ABTB3: variants seen among roughly 807,000 people sequenced by gnomAD.
The protein encoded by ABTB3 is ankyrin repeat- and BTB/POZ domain-containing protein 3.
chr12:107,410,264 C>T, the ABTB3 span, among the ~76,000 whole-genome samples: 7 of 148,102 alleles, frequency 4.7e-5, no homozygotes, highest in East Asian at 3.9e-4. Flanking sequence ...CGCTAAGGAA[C>T]GGGGGCAGAG....
chr12:107,353,437 A>G, the ABTB3 span, among the ~76,000 whole-genome samples: 1 of 152,222 alleles, frequency 6.6e-6, no homozygotes, highest in Non-Finnish European at 1.5e-5. Flanking sequence ...GGGATCAGAC[A>G]GAACTGGGTT....
the ABTB3 span, among the ~76,000 whole-genome samples, chr12:107,500,290 G>A: frequency 6.6e-6 from 1 of 152,164 alleles, no homozygotes; most frequent in East Asian, 1.9e-4. Context: ...GCACCCTGCT[G>A]CCCTCTCCCT....
At chr12:107,437,924 G>T in the ABTB3 span, among the ~76,000 whole-genome samples, 2 of 152,048 alleles carry the variant, frequency 1.3e-5, no homozygotes, top group African/African-American at 4.8e-5. Context: ...GGGTGGGGGT[G>T]GTTTGCCTTT....
At chr12:107,425,951 G>C in the ABTB3 span, among the ~76,000 whole-genome samples, 1 of 152,168 alleles carries the variant, frequency 6.6e-6, no homozygotes, top group African/African-American at 2.4e-5. Flanking sequence ...GAGTCGTTTG[G>C]AGTTCAGCCT....
chr12:107,640,579 C>T, the ABTB3 span, among the ~76,000 whole-genome samples: 6 of 152,156 alleles, frequency 3.9e-5, no homozygotes, highest in African/African-American at 1.2e-4. Context: ...CAACCTAGAA[C>T]AAGGGGCCCT....
the ABTB3 span, among the ~76,000 whole-genome samples, chr12:107,397,036 C>T: frequency 2.0e-5 from 3 of 152,240 alleles, no homozygotes; most frequent in South Asian, 2.1e-4. Context: ...TTGATCACTA[C>T]GTGCGCTTGT....
At chr12:107,411,431 T>C in the ABTB3 span, among the ~76,000 whole-genome samples, 1 of 152,248 alleles carries the variant, frequency 6.6e-6, no homozygotes, top group South Asian at 2.1e-4. Context: ...GGGTATTATG[T>C]GAATCAAATG....
chr12:107,536,130 A>G, the ABTB3 span, among the ~76,000 whole-genome samples: 1,960 of 152,254 alleles, frequency 0.013, 41 homozygotes, highest in African/African-American at 0.043. Context: ...CCAAGAACAT[A>G]TATTAGGGAA....
chr12:107,608,913 A>T, the ABTB3 span, among the ~76,000 whole-genome samples: 1 of 89,610 alleles, frequency 1.1e-5, no homozygotes, highest in African/African-American at 5.1e-5. Context: ...AAAATAAAAT[A>T]AAATAAAATA....
chr12:107,378,684 C>T, the ABTB3 span, among the ~76,000 whole-genome samples: 2 of 152,164 alleles, frequency 1.3e-5, no homozygotes, highest in African/African-American at 4.8e-5. Context: ...CACTGGCTCG[C>T]CTTCCCTGTT....
the ABTB3 span, among the ~76,000 whole-genome samples, chr12:107,623,170 C>T: frequency 6.6e-6 from 1 of 151,256 alleles, no homozygotes; most frequent in African/African-American, 2.4e-5. Context: ...AAGCAATTCT[C>T]CTGCCTCAGC....
the ABTB3 span, among the ~76,000 whole-genome samples, chr12:107,411,892 C>A: frequency 8.5e-5 from 13 of 152,230 alleles, no homozygotes; most frequent in African/African-American, 3.1e-4. Flanking sequence ...TCTAGCCATA[C>A]TCAGACCGGT....
the ABTB3 span, among the ~76,000 whole-genome samples, chr12:107,467,575 A>G: frequency 3.0e-4 from 45 of 152,114 alleles, no homozygotes; most frequent in Non-Finnish European, 6.5e-4. Context: ...ATTCTGCGTT[A>G]CTCCACAGCC....
the ABTB3 span, among the ~76,000 whole-genome samples, chr12:107,397,529 C>G: frequency 6.6e-6 from 1 of 151,756 alleles, no homozygotes; most frequent in Non-Finnish European, 1.5e-5. Flanking sequence ...GATTCTTTAC[C>G]TGTTGTATAA....
chr12:107,485,462 A>T, the ABTB3 span, among the ~76,000 whole-genome samples: 2 of 151,534 alleles, frequency 1.3e-5, no homozygotes, highest in Admixed American at 1.3e-4. Context: ...TCTTCTTCTG[A>T]CTCTTGGCCC....
the ABTB3 span, among the ~76,000 whole-genome samples, chr12:107,412,068 A>G: frequency 2.0e-5 from 3 of 152,198 alleles, no homozygotes; most frequent in African/African-American, 7.2e-5. Flanking sequence ...CTGTTTAGGA[A>G]TGGTGGATCT....
the ABTB3 span, chr12:107,544,220 TG>T: frequency 6.9e-7 from 1 of 1,444,232 alleles, no homozygotes. Context: ...GGGAGGATGA[TG>T]GGGGTAGAAA....
chr12:107,441,971 A>T, the ABTB3 span, among the ~76,000 whole-genome samples: 3 of 152,116 alleles, frequency 2.0e-5, no homozygotes, highest in Non-Finnish European at 2.9e-5. Flanking sequence ...GGAAAAAAAA[A>T]GTGTCATCTG....
At chr12:107,482,977 TTTCTTTCTTTCCTTCCTTCCTTCC>T in the ABTB3 span, among the ~76,000 whole-genome samples, 649 of 52,174 alleles carry the variant, frequency 0.012, 45 homozygotes, top group African/African-American at 0.041. Flanking sequence ...TCTTTCTTTC[TTTCTTTCTTTCCTTCCTTCCTTCC>T]TTCCTTCTTT....
Sources: allele counts gnomAD v4.1 joint callset (sites outside exome capture counted in the v4.1 genomes callset), GRCh38; gene constraint gnomAD v4.1.1; transcripts MANE v1.5; gene names NCBI Gene and HGNC (gene_info 2026-07-23, HGNC 2026-07-21).